Variants in SOX6 observed in about 807,000 individuals in gnomAD.
SOX6 encodes transcription factor SOX-6.
In SOX6, 11 loss-of-function variants were observed where a neutral mutation model predicts 97.8. That is an observed-to-expected ratio of 0.11 (90% confidence interval 0.07 to 0.19). The LOEUF is 0.19. SOX6 is among the 10% of genes least tolerant of loss of function. The pLI is 1.00. For synonymous variants in SOX6, 360 were observed against 371.4 expected (o/e 0.97, Z 0.35); for missense variants, 810 against 1,039.5 (o/e 0.78, Z 3.04).
chr11:16,693,789 C>A (rs1271822325), intron 3 of SOX6, among the ~76,000 whole-genome samples: 1 of 152,068 alleles, frequency 6.6e-6, no homozygotes, highest in Non-Finnish European at 1.5e-5. Flanking sequence ...TTTCTAAGTC[C>A]ATATTCTGAT....
At chr11:16,068,896 G>A (rs1174669628) in intron 9 of SOX6, among the ~76,000 whole-genome samples, 4 of 152,028 alleles carry the variant, frequency 2.6e-5, no homozygotes, top group African/African-American at 4.8e-5. Flanking sequence ...TTCTGAGTTC[G>A]TTAGGGGAAA....
chr11:16,600,977 G>A (rs1232905291), intron 4 of SOX6, among the ~76,000 whole-genome samples: 1 of 151,994 alleles, frequency 6.6e-6, no homozygotes, highest in African/African-American at 2.4e-5. Flanking sequence ...GAGATTCAGG[G>A]CATAATCAGT....
rs184418556 is a variant in SOX6 at position 16,053,053 on chromosome 11, C to T, written c.1251+2699G>A. Among the ~76,000 whole-genome samples, 48 of 152,268 alleles carry T rather than the reference C, an allele frequency of 3.2e-4. 1 individual carries two copies. The highest frequency in any genetic ancestry group is 3.4e-3 in the Middle Eastern group (1 of 294). On this transcript the variant is annotated intron_variant, in intron 10 of 15. Coordinates refer to ENST00000683767, the MANE Select transcript of SOX6 (RefSeq NM_001367873.1). ...CAGCATTCGTTCTCCATGCAGCTTG[C>T]TCCTCTCTGGTACCCTGTCTCACAA...
intron 4 of SOX6, among the ~76,000 whole-genome samples, chr11:16,551,113 A>T (rs1299347617): frequency 6.6e-6 from 1 of 152,166 alleles, no homozygotes; most frequent in Non-Finnish European, 1.5e-5. Context: ...CGTGAGGCTG[A>T]AGCAGAAGGA....
At chr11:16,262,893 G>C (rs1853945171) in intron 3 of SOX6, among the ~76,000 whole-genome samples, 1 of 151,864 alleles carries the variant, frequency 6.6e-6, no homozygotes, top group South Asian at 2.1e-4. Context: ...CTATTCTATG[G>C]CTATGTGACA....
At chr11:16,691,683 G>A (rs987902666) in intron 3 of SOX6, among the ~76,000 whole-genome samples, 1 of 152,150 alleles carries the variant, frequency 6.6e-6, no homozygotes, top group Non-Finnish European at 1.5e-5. Flanking sequence ...TGTAGTCCCA[G>A]CTATTTGGGA....
At chr11:16,731,848 C>A (rs899449314) in intron 2 of SOX6, among the ~76,000 whole-genome samples, 1 of 152,184 alleles carries the variant, frequency 6.6e-6, no homozygotes, top group African/African-American at 2.4e-5. Flanking sequence ...AAAACACCAA[C>A]ATCTCAGCCC....
chr11:16,223,497 A>C (rs1285006752), intron 4 of SOX6, among the ~76,000 whole-genome samples: 1 of 152,118 alleles, frequency 6.6e-6, no homozygotes, highest in Non-Finnish European at 1.5e-5. Context: ...TTCCACTATG[A>C]GTCATAATCC....
At chr11:16,628,218 C>T in intron 3 of SOX6, among the ~76,000 whole-genome samples, 1 of 152,118 alleles carries the variant, frequency 6.6e-6, no homozygotes, top group East Asian at 1.9e-4. Context: ...GGTTGGAAGT[C>T]AGGTAATGTG....
intron 4 of SOX6, among the ~76,000 whole-genome samples, chr11:16,598,447 G>A (rs1458641593): frequency 6.6e-6 from 1 of 151,980 alleles, no homozygotes; most frequent in Non-Finnish European, 1.5e-5. Context: ...TTAGCATCAA[G>A]ACAACCACAC....
chr11:16,046,839 C>T, intron 11 of SOX6, 138 bp from the exon 12 acceptor site: 3 of 892,556 alleles, frequency 3.4e-6, no homozygotes, highest in South Asian at 1.5e-5. Flanking sequence ...AAACTATACG[C>T]TAATATACAT....
At chr11:16,099,212 T>A (rs1352883727) in intron 7 of SOX6, among the ~76,000 whole-genome samples, 1 of 151,732 alleles carries the variant, frequency 6.6e-6, no homozygotes, top group African/African-American at 2.4e-5. Context: ...TTCCATGAGG[T>A]TGATTTTGGT....
chr11:16,181,559 C>CA (rs5789942), intron 6 of SOX6, among the ~76,000 whole-genome samples: 3,144 of 137,656 alleles, frequency 0.023, 39 homozygotes, highest in Non-Finnish European at 0.028. Context: ...TTTCCCCTTC[C>CA]AAAAAAAAAA....
At chr11:16,320,088 T>G (rs1263962301) in intron 2 of SOX6, among the ~76,000 whole-genome samples, 1 of 152,132 alleles carries the variant, frequency 6.6e-6, no homozygotes, top group Non-Finnish European at 1.5e-5. Flanking sequence ...TAACTGAAAC[T>G]GAGGGTTGGA....
intron 3 of SOX6, among the ~76,000 whole-genome samples, chr11:16,308,158 T>C (rs1855493357): frequency 6.6e-6 from 1 of 152,172 alleles, no homozygotes; most frequent in African/African-American, 2.4e-5. Flanking sequence ...GAAGCTTTTA[T>C]CTCTATCTTT....
intron 6 of SOX6, among the ~76,000 whole-genome samples, chr11:16,118,814 G>A (rs1849417936): frequency 6.6e-6 from 1 of 152,116 alleles, no homozygotes; most frequent in South Asian, 2.1e-4. Context: ...GCATATTAAT[G>A]TCTATTACTG....
intron 9 of SOX6, among the ~76,000 whole-genome samples, chr11:16,059,680 T>G (rs746598835): frequency 6.6e-6 from 1 of 152,034 alleles, no homozygotes; most frequent in Non-Finnish European, 1.5e-5. Flanking sequence ...TAATTCTGTA[T>G]GTAATGACTC....
chr11:16,717,903 G>T (rs1590062986), intron 2 of SOX6, among the ~76,000 whole-genome samples: 2 of 145,206 alleles, frequency 1.4e-5, no homozygotes, highest in Admixed American at 6.8e-5. Context: ...GCTCAGAAAT[G>T]TAAAATAAGC....
Position 16,120,581 on chromosome 11 carries a change from T to TATATATATATATATATAC in SOX6, c.778-8659_778-8658insGTATATATATATATATAT, listed in dbSNP as rs140473523. On this transcript the variant is annotated intron_variant, in intron 6 of 15. Transcript: ENST00000683767. Reference sequence around the variant, plus strand: ...CTTCACATATATATATATATATATATACACACACTTTTCTGCATAAATATA... The same window carrying TATATATATATATATATAC: ...CTTCACATATATATATATATATATATATATATATATATATATACACACACACTTTTCTGCATAAATATA... Among the ~76,000 whole-genome samples, 5 of 149,630 alleles carry TATATATATATATATATAC rather than the reference T, an allele frequency of 3.3e-5. No individual in the cohort carries two copies. In the Admixed American group the frequency reaches 3.4e-4, roughly 10 times the overall value.
Sources: allele counts gnomAD v4.1 joint callset (sites outside exome capture counted in the v4.1 genomes callset), GRCh38; gene constraint gnomAD v4.1.1; transcripts MANE v1.5; gene names NCBI Gene and HGNC (gene_info 2026-07-23, HGNC 2026-07-21).